Variants in CLCC1 observed in about 807,000 individuals in gnomAD.
CLCC1 encodes the protein chloride channel CLIC like 1, also known as chloride channel CLIC-like protein 1.
A neutral mutation model predicts 63.3 loss-of-function variants in CLCC1; 39 were observed. That is an observed-to-expected ratio of 0.62 (90% CI 0.48 to 0.81). The LOEUF (loss-of-function observed/expected upper bound fraction) is 0.81. Ranked by LOEUF, CLCC1 falls within the 30% of genes least tolerant of loss-of-function variation. The probability of loss-of-function intolerance (pLI) is 0.00; values close to 1 mark genes in which losing one functional copy is unlikely to be tolerated. For missense variants in CLCC1, 549 were observed against 669.4 expected (o/e 0.82, Z 1.98); for synonymous variants, 217 against 239.8 (o/e 0.90, Z 0.88).
Position 108,929,750 on chromosome 1 carries a change from A to G in CLCC1, c.*2797T>C. On this transcript the variant is annotated 3_prime_UTR_variant, in exon 13 of 13. Transcript: ENST00000369969. Reference sequence around the variant, plus strand: ...TGTGCTCCACCACCTGCTACCACAAAGGGTCCGACAGTACCAGATGAAGAC... The same window carrying G: ...TGTGCTCCACCACCTGCTACCACAAGGGGTCCGACAGTACCAGATGAAGAC... 6.2e-7 allele frequency: 1 copy of G among 1,613,212 alleles called. No individual in the cohort carries two copies. The highest frequency in any genetic ancestry group is 8.5e-7 in the Non-Finnish European group (1 of 1,179,176).
At chr1:108,962,876 A>G (rs2101744130) in intron 1 of CLCC1, among the ~76,000 whole-genome samples, 1 of 151,996 alleles carries the variant, frequency 6.6e-6, no homozygotes, top group East Asian at 1.9e-4. Flanking sequence ...GTCTCAAAAA[A>G]AAAAAAAAAA....
intron 5 of CLCC1, among the ~76,000 whole-genome samples, chr1:108,945,702 A>G (rs946608388): frequency 2.6e-5 from 4 of 152,222 alleles, no homozygotes; most frequent in Non-Finnish European, 5.9e-5. Flanking sequence ...ATTAGTGCAA[A>G]CAAGAAAAAC....
Position 108,963,379 on chromosome 1 carries a change from G to A in CLCC1, c.-191C>T, listed in dbSNP as rs1458013305. 4 of 702,390 alleles carry A rather than the reference G, an allele frequency of 5.7e-6. No individual in the cohort carries two copies. In the Admixed American group the frequency reaches 8.0e-5, roughly 14 times the overall value. 43.5% of individuals were successfully genotyped at this position (702,390 alleles called of 1,614,324 possible). On this transcript the variant is annotated 5_prime_UTR_variant, in exon 1 of 13. Transcript: ENST00000369969. ...GACTCACGTCCGGGATCCCCTGCCT[G>A]CCTCTCGAGGAAGACACCTGCCCAG...
chr1:108,935,077 G>C lies in CLCC1; in HGVS notation c.1384-135C>G, dbSNP rs973981865. The C allele has an allele frequency of 7.5e-6, 6 of 803,012 alleles. No homozygotes were observed. In the African/African-American group the frequency reaches 1.0e-4, roughly 14 times the overall value. The allele number at this position is 803,012 out of a possible 1,614,324, so 49.7% of individuals were successfully genotyped here. A position where few individuals can be genotyped will look rare whatever the true frequency, so the allele number is the denominator to read the frequency against. ...TTTCAAATCCAGGGTCCAGTGCTGG[G>C]TTATAATTATATAAATGTTATTATA... is the stretch of plus-strand genomic sequence containing the variant. On this transcript the variant is annotated intron_variant, in intron 11 of 12. Transcript: ENST00000369969.
intron 7 of CLCC1, among the ~76,000 whole-genome samples, chr1:108,942,991 C>T (rs1312009542): frequency 6.6e-6 from 1 of 152,056 alleles, no homozygotes; most frequent in Non-Finnish European, 1.5e-5. Context: ...TCTTGGCTCA[C>T]TGCAACCTCT....
rs1652587141 is a variant in CLCC1 at position 108,934,619 on chromosome 1, C to T, written c.*45+6G>A. 2 of 1,576,816 alleles carry T rather than the reference C, an allele frequency of 1.3e-6. No homozygotes were observed. Among genetic ancestry groups the T allele is most frequent in the Non-Finnish European group, 1.7e-6 (2 of 1,160,662 alleles). On this transcript the variant is annotated splice_donor_region_variant and intron_variant, in intron 12 of 12. Coordinates refer to ENST00000369969, the MANE Select transcript of CLCC1 (RefSeq NM_001377458.1). The stretch of plus-strand genomic sequence containing the variant: ...GAAGAGAAAGAGAGTGAAGAGTATA[C>T]TTTACAAAGCTCGAAGGAGACTTGA...
At chr1:108,957,897 C>G (rs1324693867) in intron 2 of CLCC1, among the ~76,000 whole-genome samples, 2 of 151,190 alleles carry the variant, frequency 1.3e-5, no homozygotes, top group Non-Finnish European at 2.9e-5. Flanking sequence ...ATTATGAGGA[C>G]AAAAGACTGA....
At chr1:108,958,592 A>C (rs748337271) in intron 2 of CLCC1, among the ~76,000 whole-genome samples, 1 of 151,688 alleles carries the variant, frequency 6.6e-6, no homozygotes, top group Non-Finnish European at 1.5e-5. Flanking sequence ...TCTCAACTTA[A>C]TAAAGGGCTG....
intron 11 of CLCC1, among the ~76,000 whole-genome samples, chr1:108,935,252 A>G (rs554507429): frequency 1.1e-4 from 17 of 152,400 alleles, no homozygotes; most frequent in East Asian, 1.9e-4. Context: ...TTCATTTGAC[A>G]AATATTTCTT....
At chr1:108,933,796 C>T (rs1652403622) in intron 12 of CLCC1, 1 of 152,036 alleles carries the variant, frequency 6.6e-6, no homozygotes, top group East Asian at 1.9e-4. Context: ...ACACCCAACT[C>T]TCTTCTTCCT....
chr1:108,937,036 A>C lies in CLCC1; in HGVS notation c.1383+41T>G, dbSNP rs776274796. On this transcript the variant is annotated intron_variant, in intron 11 of 12. Transcript: ENST00000369969. ...ACCTCTTCCAGAAGGATTTAGAACC[A>C]GTAATGAAGGGACAGCAGAATAAAA... The C allele has an allele frequency of 8.1e-6, 11 of 1,358,856 alleles. No homozygotes were observed. The East Asian group carries it at 2.8e-4, about 34-fold the overall frequency. 84.2% of individuals were successfully genotyped at this position (1,358,856 alleles called of 1,614,324 possible). A position where few individuals can be genotyped will look rare whatever the true frequency, so the allele number is the denominator to read the frequency against.
chr1:108,935,983 T>C (rs1652885526), intron 11 of CLCC1, among the ~76,000 whole-genome samples: 1 of 151,632 alleles, frequency 6.6e-6, no homozygotes, highest in South Asian at 2.1e-4. Flanking sequence ...GCCATTGTAA[T>C]ACTGGCTTTC....
Position 108,929,558 on chromosome 1 carries a change from C to A in CLCC1, c.*2989G>T, listed in dbSNP as rs1443795089. On this transcript the variant is annotated 3_prime_UTR_variant, in exon 13 of 13. Transcript: ENST00000369969. The stretch of plus-strand genomic sequence containing the variant: ...AAATCAGGCTGGGAACTAAAGAGAA[C>A]AATATAAAAACAAAGATTAATTTCT... 7 of 726,974 alleles carry A rather than the reference C, an allele frequency of 9.6e-6. No homozygotes were observed. The highest frequency in any genetic ancestry group is 2.4e-5 in the Admixed American group (1 of 40,906). The allele number at this position is 726,974 out of a possible 1,614,324, so 45.0% of individuals were successfully genotyped here. A position where few individuals can be genotyped will look rare whatever the true frequency, so the allele number is the denominator to read the frequency against.
At chr1:108,949,631 A>G (rs1368601145) in intron 4 of CLCC1, among the ~76,000 whole-genome samples, 189 bp downstream of exon 4, 4 of 152,174 alleles carry the variant, frequency 2.6e-5, no homozygotes, top group African/African-American at 9.7e-5. Flanking sequence ...AATACAAGGT[A>G]CTACTAGAAA....
rs755357047 is a variant in CLCC1 at position 108,943,456 on chromosome 1, C to T, written c.702+19G>A. On this transcript the variant is annotated intron_variant, in intron 7 of 12. Transcript: ENST00000369969. ...GAATAAATGTGTTAAAATTGTAAAACCCTCCATCCATATAATACCTTATAT... is the reference window on the plus strand; with the variant it reads ...GAATAAATGTGTTAAAATTGTAAAATCCTCCATCCATATAATACCTTATAT... The T allele has an allele frequency of 6.2e-7, 1 of 1,604,280 alleles. No homozygotes were observed. The highest frequency in any genetic ancestry group is 1.3e-5 in the African/African-American group (1 of 74,412).
chr1:108,963,287 C>G, intron 1 of CLCC1, 74 bp downstream of exon 1: 2 of 674,414 alleles, frequency 3.0e-6, no homozygotes, highest in Non-Finnish European at 5.5e-6. Context: ...CGCGAGTCCG[C>G]TGGACCCGCC....
In CLCC1 at chr1:108,947,716, A is replaced by C; in HGVS notation, c.234T>G (p.Ile78Met). 6.3e-7 allele frequency: 1 copy of C among 1,591,406 alleles called. No individual in the cohort carries two copies. Among genetic ancestry groups the C allele is most frequent in the Non-Finnish European group, 8.6e-7 (1 of 1,163,420 alleles). The stretch of plus-strand genomic sequence containing the variant: ...CCCTCTTTTTCTTTTCACACTCATC[A>C]ATCTGTAACCATAAAATCAATTCAA... ...YHKLDSLTYK[I>M]DECEKKKRED... Residue 78 changes from isoleucine to methionine, a missense_variant and splice_region_variant, in exon 5 of 13, where the codon ATT becomes ATG. Transcript: ENST00000369969.
intron 2 of CLCC1, among the ~76,000 whole-genome samples, chr1:108,955,688 C>T (rs942756345): frequency 5.9e-5 from 9 of 151,362 alleles, no homozygotes; most frequent in African/African-American, 2.2e-4. Flanking sequence ...CTGTAGGGGC[C>T]AGCACCATTC....
At chr1:108,961,052 T>C (rs1488410318) in intron 2 of CLCC1, among the ~76,000 whole-genome samples, 1 of 152,116 alleles carries the variant, frequency 6.6e-6, no homozygotes, top group Non-Finnish European at 1.5e-5. Flanking sequence ...TATGTTACTT[T>C]CTACAGTAAT....
Sources: gnomAD v4.1 joint callset for allele counts (sites outside exome capture counted in the v4.1 genomes callset) on GRCh38, gnomAD v4.1.1 for gene constraint, MANE v1.5 for transcripts, NCBI Gene and HGNC (gene_info 2026-07-23, HGNC 2026-07-21) for gene names.